The following PIK3C2G variants were observed in gnomAD, a reference collection of about 807,000 sequenced individuals.
PIK3C2G encodes phosphatidylinositol-4-phosphate 3-kinase catalytic subunit type 2 gamma, also known as phosphatidylinositol 3-kinase C2 domain-containing subunit gamma.
A neutral mutation model predicts 181.1 loss-of-function variants in PIK3C2G; 168 were observed. The observed-to-expected ratio is 0.93, with a 90% CI of 0.82 to 1.05. The LOEUF is 1.05. Ranked by LOEUF, PIK3C2G falls within the 50% of genes least tolerant of loss-of-function variation. The pLI, the probability that PIK3C2G is intolerant of heterozygous loss-of-function variation, is 0.00. For missense variants in PIK3C2G, 1,869 were observed against 1,732.8 expected, an observed-to-expected ratio of 1.08 and a Z score of -1.40; for synonymous variants, 573 against 592.2, an observed-to-expected ratio of 0.97 and a Z score of 0.47.
intron 5 of PIK3C2G, among the ~76,000 whole-genome samples, chr12:18,296,890 T>G (rs4633514): frequency 0.86 from 130,558 of 152,072 alleles, 56,115 homozygotes; most frequent in East Asian, 0.94. Context: ...AGCAATATGA[T>G]AAATAATAGA....
At chr12:18,671,680 TGGAAA>T in the PIK3C2G span, among the ~76,000 whole-genome samples, 1 of 152,152 alleles carries the variant, frequency 6.6e-6, no homozygotes, top group African/African-American at 2.4e-5. Context: ...AGACAATTTA[TGGAAA>T]GGAAAGGCTC....
At chr12:18,388,152 T>G (rs542729733) in intron 14 of PIK3C2G, among the ~76,000 whole-genome samples, 1 of 152,080 alleles carries the variant, frequency 6.6e-6, no homozygotes, top group Admixed American at 6.5e-5. Context: ...ACCATATGGA[T>G]CCCTCTTTTA....
At chr12:18,555,521 T>C (rs1944961444) in intron 26 of PIK3C2G, among the ~76,000 whole-genome samples, 1 of 152,106 alleles carries the variant, frequency 6.6e-6, no homozygotes, top group Non-Finnish European at 1.5e-5. Flanking sequence ...TGATAAGCAA[T>C]TAAAATATTT....
intron 30 of PIK3C2G, among the ~76,000 whole-genome samples, chr12:18,597,712 C>T (rs1163299578): frequency 1.3e-5 from 2 of 151,838 alleles, no homozygotes; most frequent in African/African-American, 4.8e-5. Context: ...CAAATTGTCC[C>T]TGTTTGCAGA....
chr12:18,509,305 C>G (rs1320347778), intron 24 of PIK3C2G, among the ~76,000 whole-genome samples: 1 of 152,186 alleles, frequency 6.6e-6, no homozygotes, highest in African/African-American at 2.4e-5. Flanking sequence ...GCCTCGGCCT[C>G]TCAAAGTGCT....
intron 29 of PIK3C2G, 65 bp downstream of exon 29, chr12:18,567,122 G>C (rs1292701865): frequency 1.4e-5 from 11 of 814,414 alleles, no homozygotes; most frequent in Non-Finnish European, 1.8e-5. Flanking sequence ...TTATTCGTGA[G>C]TGTGGTGGTT....
intron 18 of PIK3C2G, among the ~76,000 whole-genome samples, chr12:18,465,997 T>A (rs1362549152): frequency 8.6e-5 from 13 of 151,634 alleles, no homozygotes; most frequent in Admixed American, 7.3e-4. Flanking sequence ...GATAATTTTT[T>A]AAAAATTTTA....
In PIK3C2G at chr12:18,344,225, T is replaced by C. The variant is rs564545975; in HGVS notation, c.1429+865T>C. The stretch of plus-strand genomic sequence containing the variant: ...TAACCCCTGGATTCAGAACAATCCA[T>C]TGGAAAGCAAATGAAAACCTAACCT... On this transcript the variant is annotated intron_variant, in intron 10 of 32. Coordinates refer to ENST00000538779, the MANE Select transcript of PIK3C2G (RefSeq NM_001288772.2). Among the ~76,000 whole-genome samples, 9 of 152,112 alleles carry C rather than the reference T, an allele frequency of 5.9e-5. No individual in the cohort carries two copies. In the South Asian group the frequency reaches 1.5e-3, roughly 25 times the overall value.
chr12:18,684,394 G>C, the PIK3C2G span: 1 of 964,110 alleles, frequency 1.0e-6, no homozygotes. Flanking sequence ...AATATCTTGT[G>C]TTTAGAGCAC....
At chr12:18,254,132 GAGTT>G (rs2136962717) in intron 1 of PIK3C2G, among the ~76,000 whole-genome samples, 1 of 151,648 alleles carries the variant, frequency 6.6e-6, no homozygotes, top group African/African-American at 2.4e-5. Flanking sequence ...TATTTTTAAA[GAGTT>G]AGAAGAATTT....
At chr12:18,586,445 C>T (rs774253022) in intron 29 of PIK3C2G, among the ~76,000 whole-genome samples, 4 of 152,108 alleles carry the variant, frequency 2.6e-5, no homozygotes, top group Admixed American at 1.3e-4. Flanking sequence ...TACTTATGAG[C>T]ACCTCTATGC....
At chr12:18,566,900 A>T in intron 28 of PIK3C2G, 49 bp from the exon 29 acceptor site, 1 of 897,724 alleles carries the variant, frequency 1.1e-6, no homozygotes, top group South Asian at 1.4e-5. Context: ...TAAGATGAAA[A>T]GGCCAGTTTT....
the PIK3C2G span, chr12:18,696,021 C>A: frequency 1.7e-6 from 1 of 572,804 alleles, no homozygotes; most frequent in East Asian, 3.4e-5. Flanking sequence ...ACCATTAGTG[C>A]CTGACCCCAA....
intron 31 of PIK3C2G, among the ~76,000 whole-genome samples, chr12:18,635,649 A>C (rs182682311): frequency 1.3e-5 from 2 of 152,304 alleles, no homozygotes; most frequent in African/African-American, 4.8e-5. Flanking sequence ...AAGCCTTCAA[A>C]CATCATCTTT....
chr12:18,366,242 T>C (rs1430454703), intron 12 of PIK3C2G, among the ~76,000 whole-genome samples: 1 of 152,046 alleles, frequency 6.6e-6, no homozygotes, highest in Non-Finnish European at 1.5e-5. Context: ...AATAGGAGAG[T>C]TCTAAACAAC....
At chr12:18,623,257 C>CATATGA (rs577036858) in intron 31 of PIK3C2G, among the ~76,000 whole-genome samples, 16 of 151,828 alleles carry the variant, frequency 1.1e-4, no homozygotes, top group African/African-American at 3.9e-4. Context: ...TATTCTTTTG[C>CATATGA]ATATGAATAC....
chr12:18,701,911 T>C, the PIK3C2G span: 8 of 1,285,966 alleles, frequency 6.2e-6, no homozygotes, highest in Non-Finnish European at 8.4e-6. Context: ...TTTTTTCCCA[T>C]ACCCCTATTC....
Position 18,364,859 on chromosome 12 carries a change from C to T in PIK3C2G, c.1748+1973C>T, listed in dbSNP as rs576202288. Among the ~76,000 whole-genome samples the T allele has an allele frequency of 7.9e-5, 12 of 152,148 alleles. No individual in the cohort carries two copies. The South Asian group carries it at 2.1e-3, about 26-fold the overall frequency. On this transcript the variant is annotated intron_variant, in intron 12 of 32. Coordinates refer to ENST00000538779, the MANE Select transcript of PIK3C2G (RefSeq NM_001288772.2). ...GTTGCAGTGAGCCAACATCACTCTA[C>T]CTTGGGCTACGGAGCAAGTCTAAAA...
chr12:18,606,343 C>T (rs768302850), intron 30 of PIK3C2G, among the ~76,000 whole-genome samples: 15 of 152,066 alleles, frequency 9.9e-5, no homozygotes, highest in South Asian at 2.1e-4. Flanking sequence ...ATATAATGTT[C>T]GTTGTGCCTC....
Sources: gnomAD v4.1 joint callset for allele counts (sites outside exome capture counted in the v4.1 genomes callset) on GRCh38, gnomAD v4.1.1 for gene constraint, MANE v1.5 for transcripts, NCBI Gene and HGNC (gene_info 2026-07-23, HGNC 2026-07-21) for gene names.